The following KCTD8 variants were observed in gnomAD, a reference collection of about 807,000 sequenced individuals.
The protein encoded by KCTD8 is potassium channel tetramerization domain containing 8.
In KCTD8, 27 loss-of-function variants were observed where a neutral mutation model predicts 31.5. The observed-to-expected ratio is 0.86, with a 90% CI of 0.63 to 1.18. The LOEUF (loss-of-function observed/expected upper bound fraction) is 1.18, where lower values mean the gene tolerates loss of function less well. Ranked by LOEUF, KCTD8 falls within the 50% of genes most tolerant of loss-of-function variation. The pLI, the probability that KCTD8 is intolerant of heterozygous loss-of-function variation, is 0.00. For missense variants in KCTD8, 658 were observed against 647.7 expected, an observed-to-expected ratio of 1.02 and a Z score of -0.17; for synonymous variants, 290 against 280.0, an observed-to-expected ratio of 1.04 and a Z score of -0.36.
chr4:44,378,795 T>G (rs552073527), intron 1 of KCTD8, among the ~76,000 whole-genome samples: 1 of 152,254 alleles, frequency 6.6e-6, no homozygotes, highest in Admixed American at 6.5e-5. Context: ...TACAATAAAC[T>G]TGGTATCTTG....
intron 1 of KCTD8, among the ~76,000 whole-genome samples, chr4:44,179,300 G>A (rs1713307629): frequency 6.6e-6 from 1 of 151,758 alleles, no homozygotes; most frequent in Non-Finnish European, 1.5e-5. Flanking sequence ...TTAAAGAATA[G>A]TATTTTATAA....
intron 1 of KCTD8, among the ~76,000 whole-genome samples, chr4:44,205,747 A>T (rs1199496599): frequency 1.3e-5 from 2 of 152,218 alleles, no homozygotes; most frequent in South Asian, 2.1e-4. Context: ...GCTGATGGAG[A>T]TCAAAATGTC....
At chr4:44,316,618 T>C (rs1560424402) in intron 1 of KCTD8, among the ~76,000 whole-genome samples, 2 of 151,772 alleles carry the variant, frequency 1.3e-5, no homozygotes, top group South Asian at 2.1e-4. Context: ...TATTGAGGTA[T>C]GTCAGCAGGT....
intron 1 of KCTD8, among the ~76,000 whole-genome samples, chr4:44,446,956 C>T (rs1015342019): frequency 2.6e-5 from 4 of 152,206 alleles, no homozygotes; most frequent in African/African-American, 7.2e-5. Flanking sequence ...AGTCCCCTTT[C>T]CCCACACCCG....
intron 1 of KCTD8, among the ~76,000 whole-genome samples, chr4:44,310,933 G>A (rs566736924): frequency 8.4e-4 from 128 of 152,100 alleles, no homozygotes; most frequent in Middle Eastern, 3.4e-3. Context: ...GGAATGTCAA[G>A]TATATAGATC....
At chr4:44,301,551 T>C (rs868596444) in intron 1 of KCTD8, among the ~76,000 whole-genome samples, 2 of 152,324 alleles carry the variant, frequency 1.3e-5, no homozygotes, top group Admixed American at 6.5e-5. Context: ...TTTGCCCACT[T>C]TTTGATGGGG....
intron 1 of KCTD8, among the ~76,000 whole-genome samples, chr4:44,276,647 G>A (rs1028981829): frequency 6.6e-6 from 1 of 151,890 alleles, no homozygotes; most frequent in African/African-American, 2.4e-5. Flanking sequence ...GTGTGTATGT[G>A]TTTTAAAATT....
intron 1 of KCTD8, among the ~76,000 whole-genome samples, chr4:44,417,205 T>C (rs1053285725): frequency 6.6e-6 from 1 of 152,204 alleles, no homozygotes; most frequent in Non-Finnish European, 1.5e-5. Flanking sequence ...TTTTCGCCCT[T>C]ACAGCAAATA....
intron 1 of KCTD8, among the ~76,000 whole-genome samples, chr4:44,314,951 T>C (rs939660768): frequency 2.0e-5 from 3 of 151,502 alleles, no homozygotes; most frequent in African/African-American, 7.3e-5. Context: ...TGTTAATCTT[T>C]TACTCTTTAG....
chr4:44,445,127 C>G (rs4383649), intron 1 of KCTD8, among the ~76,000 whole-genome samples: 150,666 of 152,308 alleles, frequency 0.99, 74,542 homozygotes, highest in East Asian at 1. Context: ...AAACTGAATA[C>G]GATGGAAATA....
chr4:44,235,627 C>G (rs1177862281), intron 1 of KCTD8, among the ~76,000 whole-genome samples: 2 of 136,188 alleles, frequency 1.5e-5, no homozygotes, highest in Non-Finnish European at 3.1e-5. Context: ...CCACTGTCTG[C>G]AGAAACTGAC....
chr4:44,443,481 T>C (rs1721862584), intron 1 of KCTD8, among the ~76,000 whole-genome samples: 1 of 152,138 alleles, frequency 6.6e-6, no homozygotes, highest in Admixed American at 6.5e-5. Flanking sequence ...CACAGTGAAA[T>C]AAATCAGAAT....
chr4:44,191,004 A>T (rs577984155), intron 1 of KCTD8, among the ~76,000 whole-genome samples: 1 of 152,276 alleles, frequency 6.6e-6, no homozygotes, highest in South Asian at 2.1e-4. Flanking sequence ...CTAACACTTA[A>T]TGCTGTTGTG....
chr4:44,411,244 G>A (rs1453940766), intron 1 of KCTD8, among the ~76,000 whole-genome samples: 2 of 152,018 alleles, frequency 1.3e-5, no homozygotes, highest in South Asian at 2.1e-4. Flanking sequence ...CAGGTATGGT[G>A]GTGTGCTCCT....
intron 1 of KCTD8, among the ~76,000 whole-genome samples, chr4:44,269,104 C>T (rs1306298992): frequency 6.6e-6 from 1 of 152,084 alleles, no homozygotes; most frequent in Non-Finnish European, 1.5e-5. Context: ...GCCAAAAGAA[C>T]AAAGCTGGAG....
intron 1 of KCTD8, among the ~76,000 whole-genome samples, chr4:44,240,210 T>C (rs866139335): frequency 2.0e-5 from 3 of 152,220 alleles, no homozygotes; most frequent in Non-Finnish European, 4.4e-5. Context: ...CAGCCATAAA[T>C]GGTGTTTCTC....
At chr4:44,272,517 T>C (rs1273963549) in intron 1 of KCTD8, among the ~76,000 whole-genome samples, 1 of 152,070 alleles carries the variant, frequency 6.6e-6, no homozygotes, top group Non-Finnish European at 1.5e-5. Context: ...CTTTCTCTTG[T>C]ACTTAAGTTT....
rs141770319 is a variant in KCTD8 at position 44,323,723 on chromosome 4, G to C, written c.961+123840C>G. ...CCAACCTAATAGTTTTCATGTATTT[G>C]TTTAACATGGGAAGATTTCAAAAGT... On this transcript the variant is annotated intron_variant, in intron 1 of 1. Transcript: ENST00000360029. Among the ~76,000 whole-genome samples the C allele has an allele frequency of 3.1e-4, 47 of 151,760 alleles. 1 individual carries two copies. The East Asian group carries it at 8.9e-3, about 29-fold the overall frequency.
chr4:44,433,412 T>C (rs1012933474), intron 1 of KCTD8, among the ~76,000 whole-genome samples: 2 of 151,786 alleles, frequency 1.3e-5, no homozygotes, highest in Admixed American at 1.3e-4. Flanking sequence ...GACATCCCAC[T>C]TGGTTTCCCA....
Sources: gnomAD v4.1 joint callset for allele counts (sites outside exome capture counted in the v4.1 genomes callset) on GRCh38, gnomAD v4.1.1 for gene constraint, MANE v1.5 for transcripts, NCBI Gene and HGNC (gene_info 2026-07-23, HGNC 2026-07-21) for gene names.